NAT16: variants seen among roughly 807,000 people sequenced by gnomAD.
The protein encoded by NAT16 is probable N-acetyltransferase 16.
Under a neutral mutation model 15.9 loss-of-function variants are expected in NAT16, and 16 were observed. The observed-to-expected ratio is 1.01, with a 90% confidence interval of 0.68 to 1.53. The LOEUF (loss-of-function observed/expected upper bound fraction) is 1.53, where lower values mean the gene tolerates loss of function less well. Ranked by LOEUF, NAT16 falls within the 40% of genes most tolerant of loss-of-function variation. The pLI is 0.00. For synonymous variants in NAT16, 260 were observed against 241.9 expected (o/e 1.07, Z -0.69); for missense variants, 572 against 508.4 (o/e 1.13, Z -1.20).
At chr7:101,178,890 A>C (rs1797528133) in intron 1 of NAT16, among the ~76,000 whole-genome samples, 1 of 26,578 alleles carries the variant, frequency 3.8e-5, no homozygotes, top group African/African-American at 2.1e-4. Flanking sequence ...AAACGCTGTC[A>C]AAAAAAAAAA....
chr7:101,177,368 G>C (rs116120170), intron 1 of NAT16, among the ~76,000 whole-genome samples: 1 of 151,698 alleles, frequency 6.6e-6, no homozygotes, highest in African/African-American at 2.4e-5. Flanking sequence ...TTTGAGTCGG[G>C]GTCTCGCTCT....
At chr7:101,174,286 T>G (rs542715429) in intron 2 of NAT16, 34 of 598,032 alleles carry the variant, frequency 5.7e-5, no homozygotes, top group Non-Finnish European at 9.2e-5. Flanking sequence ...GTCCCTCTGG[T>G]TCCTCTGCTT....
chr7:101,172,565 G>A lies in NAT16; in HGVS notation c.624C>T (p.Phe208=), dbSNP rs1012039472. The change falls in exon 4 of 4, where the codon TTC becomes TTT. Residue 208 remains phenylalanine (F), a synonymous_variant. Coordinates refer to ENST00000300303, the MANE Select transcript of NAT16 (RefSeq NM_198571.3). The surrounding 1 kb of genome is among the most constrained non-coding windows in gnomAD (Gnocchi z 4.2). ...ACACGGCCTCGGTGGGCAGCGGCGA[G>A]AAGGTGCCAGAGGTCCGCAGCGCCG... ...RLAALRTSGT[F]SPLPTEAVSE... The A allele has an allele frequency of 9.7e-6, 15 of 1,546,000 alleles. No homozygotes were observed. Among genetic ancestry groups the A allele is most frequent in the African/African-American group, 1.4e-5 (1 of 71,848 alleles).
At position 101,174,781 on chromosome 7, in the gene NAT16, T is replaced by A. The variant is rs774421008; in HGVS notation, c.27A>T (p.Thr9=). 6.3e-7 allele frequency: 1 copy of A among 1,582,478 alleles called. No homozygotes were observed. Among genetic ancestry groups the A allele is most frequent in the Non-Finnish European group, 8.6e-7 (1 of 1,165,796 alleles). MKLEASCG[T]ATSEVPKPEK... is the part of the protein sequence containing the mutation. The stretch of plus-strand genomic sequence containing the variant: ...CCGGCTTAGGGACCTCTGAGGTGGC[T>A]GTGCCACAGCTGGCTTCCAGCTTCA... The change falls in exon 2 of 4, where the codon ACA becomes ACT. Residue 9 remains threonine (T), a synonymous_variant. Coordinates refer to ENST00000300303, the MANE Select transcript of NAT16 (RefSeq NM_198571.3).
Position 101,172,591 on chromosome 7 carries a change from C to T in NAT16, c.598G>A (p.Ala200Thr). The T allele has an allele frequency of 1.3e-6, 2 of 1,528,958 alleles. No homozygotes were observed. Among genetic ancestry groups the T allele is most frequent in the Non-Finnish European group, 1.7e-6 (2 of 1,146,624 alleles). 94.7% of individuals were successfully genotyped at this position (1,528,958 alleles called of 1,614,324 possible). A position where few individuals can be genotyped will look rare whatever the true frequency, so the allele number is the denominator to read the frequency against. The change falls in exon 4 of 4, where the codon GCG (alanine) becomes ACG (threonine). Residue 200 changes from alanine to threonine, a missense_variant. Ala to Thr is a moderately conservative substitution (Grantham distance 58). Transcript: ENST00000300303. The surrounding 1 kb of genome is among the most constrained non-coding windows in gnomAD (Gnocchi z 4.2). ...AAGGTGCCAGAGGTCCGCAGCGCCG[C>T]CAGCCGCGCGCCCAGCCCGGCCAGC... The part of the protein sequence containing the change: ...ALLAGLGARL[A>T]ALRTSGTFSP...
chr7:101,170,833 G>T lies in NAT16; in HGVS notation c.*1246C>A, dbSNP rs1422119654. ...GTCATGCTCTAGGCTTGGGACACCC[G>T]GGTTCTATTCGCTGGGAGGCTCCTA... On this transcript the variant is annotated 3_prime_UTR_variant, in exon 4 of 4. Transcript: ENST00000300303. 1 of 152,212 alleles carries T rather than the reference G, an allele frequency of 6.6e-6. No homozygotes were observed. Among genetic ancestry groups the T allele is most frequent in the African/African-American group, 2.4e-5 (1 of 41,440 alleles). 9.4% of individuals were successfully genotyped at this position (152,212 alleles called of 1,614,324 possible).
intron 2 of NAT16, 118 bp from the exon 3 acceptor site, chr7:101,173,638 CA>C: frequency 1.1e-6 from 1 of 927,070 alleles, no homozygotes; most frequent in Non-Finnish European, 1.6e-6. Flanking sequence ...ACCCGGGCAC[CA>C]GGCCAGGCCT....
Position 101,173,451 on chromosome 7 carries a change from G to A in NAT16, c.382C>T (p.Pro128Ser), listed in dbSNP as rs979673761. The change falls in exon 3 of 4, where the codon CCC (proline) becomes TCC (serine). Residue 128 changes from proline to serine, a missense_variant. Physicochemically the swap from Pro to Ser is moderately conservative, Grantham distance 74. Transcript: ENST00000300303. ...GCCACGCCCTTCCCGCGCTCCCAGG[G>A]CGCCACGCGCAGCCCCTCCACCAGC... ...TVLVEGLRVA[P>S]WERGKGVAGL... The A allele has an allele frequency of 6.2e-7, 1 of 1,612,096 alleles. No individual in the cohort carries two copies. Among genetic ancestry groups the A allele is most frequent in the Non-Finnish European group, 8.5e-7 (1 of 1,179,036 alleles).
At position 101,171,730 on chromosome 7, in the gene NAT16, G is replaced by A. The variant is rs879294719; in HGVS notation, c.*349C>T. 15 of 220,188 alleles carry A rather than the reference G, an allele frequency of 6.8e-5. No homozygotes were observed. Among genetic ancestry groups the A allele is most frequent in the Admixed American group, 5.0e-4 (9 of 17,958 alleles). The allele number at this position is 220,188 out of a possible 1,614,324, so 13.6% of individuals were successfully genotyped here. On this transcript the variant is annotated 3_prime_UTR_variant, in exon 4 of 4. Coordinates refer to ENST00000300303, the MANE Select transcript of NAT16 (RefSeq NM_198571.3). The stretch of plus-strand genomic sequence containing the variant: ...CCAGGAAAGGGGGAGTTCACGCCCC[G>A]GGTGAGGTGATGGAGAGGGAAGGAA...
At position 101,172,023 on chromosome 7, in the gene NAT16, G is replaced by T; in HGVS notation, c.*56C>A. 7.8e-7 allele frequency: 1 copy of T among 1,283,084 alleles called. No individual in the cohort carries two copies. The highest frequency in any genetic ancestry group is 1.1e-6 in the Non-Finnish European group (1 of 904,624). The allele number at this position is 1,283,084 out of a possible 1,614,324, so 79.5% of individuals were successfully genotyped here. The stretch of plus-strand genomic sequence containing the variant: ...GGAAATGGCAGGAAAGAGGCTGGCT[G>T]GGGAAACTGCGGAAGGGGGCGGGTC... On this transcript the variant is annotated 3_prime_UTR_variant, in exon 4 of 4. Coordinates refer to ENST00000300303, the MANE Select transcript of NAT16 (RefSeq NM_198571.3). The surrounding 1 kb of genome is among the most constrained non-coding windows in gnomAD (Gnocchi z 4.2).
intron 1 of NAT16, among the ~76,000 whole-genome samples, chr7:101,177,576 T>C (rs1021179966): frequency 6.6e-6 from 1 of 152,172 alleles, no homozygotes; most frequent in African/African-American, 2.4e-5. Context: ...GGTCTTGAAC[T>C]CCTGGGCTCA....
Position 101,172,287 on chromosome 7 carries a change from G to T in NAT16, c.902C>A (p.Ala301Asp). The T allele has an allele frequency of 6.2e-7, 1 of 1,612,402 alleles. No homozygotes were observed. The highest frequency in any genetic ancestry group is 8.5e-7 in the Non-Finnish European group (1 of 1,179,638). The change falls in exon 4 of 4, where the codon GCC becomes GAC. Residue 301 changes from alanine (A) to aspartate (D), a missense_variant. By Grantham distance (126) the Ala-to-Asp change is moderately radical (BLOSUM62 -2). Coordinates refer to ENST00000300303, the MANE Select transcript of NAT16 (RefSeq NM_198571.3). The surrounding 1 kb of genome is among the most constrained non-coding windows in gnomAD (Gnocchi z 4.2). ...DGTWRYLNID[A>D]FGSDGAQVQS... The stretch of plus-strand genomic sequence containing the variant: ...CACCTGCGCGCCGTCGCTACCGAAG[G>T]CGTCGATGTTGAGATAGCGCCAAGT...
In NAT16 at chr7:101,173,839, C is replaced by T. The variant is rs567653267; in HGVS notation, c.313-319G>A. On this transcript the variant is annotated intron_variant, in intron 2 of 3. Transcript: ENST00000300303. Reference sequence around the variant, plus strand: ...CCTGGGCTCAAGCGATCCCCTACACCCCCAAGACTTCCTAGTAGCTGGGAC... The same window carrying T: ...CCTGGGCTCAAGCGATCCCCTACACTCCCAAGACTTCCTAGTAGCTGGGAC... 2.6e-5 allele frequency: 10 copies of T among 379,968 alleles called. No homozygotes were observed. The South Asian group carries it at 3.4e-4, about 13-fold the overall frequency. 23.5% of individuals were successfully genotyped at this position (379,968 alleles called of 1,614,324 possible). A position where few individuals can be genotyped will look rare whatever the true frequency, so the allele number is the denominator to read the frequency against.
At position 101,174,655 on chromosome 7, in the gene NAT16, C is replaced by G; in HGVS notation, c.153G>C (p.Glu51Asp). 6.2e-7 allele frequency: 1 copy of G among 1,614,020 alleles called. No individual in the cohort carries two copies. Among genetic ancestry groups the G allele is most frequent in the Non-Finnish European group, 8.5e-7 (1 of 1,179,938 alleles). ...CCGTGGCCACCACGAAGTCCAATGG[C>G]TCGGCCTCAGCCTCAGGCCCCGATC... is the stretch of plus-strand genomic sequence containing the variant. ...RSGSGPEAEAEPLDFVVATER... is the reference protein window; with the variant it reads ...RSGSGPEAEADPLDFVVATER... Residue 51 changes from glutamate (E) to aspartate (D), a missense_variant, in exon 2 of 4, where the codon GAG becomes GAC. Transcript: ENST00000300303.
In NAT16 at chr7:101,172,270, C is replaced by G. The variant is rs1422899810; in HGVS notation, c.919G>C (p.Ala307Pro). 1 of 1,612,630 alleles carries G rather than the reference C, an allele frequency of 6.2e-7. No individual in the cohort carries two copies. Among genetic ancestry groups the G allele is most frequent in the Non-Finnish European group, 8.5e-7 (1 of 1,179,668 alleles). Residue 307 changes from alanine to proline, a missense_variant, in exon 4 of 4, where the codon GCG becomes CCG. By Grantham distance (27) the Ala-to-Pro change is conservative. Transcript: ENST00000300303. This position sits in a 1 kb window ranked among gnomAD's most constrained non-coding sequence, Gnocchi z 4.2. ...LNIDAFGSDG[A>P]QVQSQLLWHL... ...CACAGCAGCTGGCTCTGCACCTGCG[C>G]GCCGTCGCTACCGAAGGCGTCGATG...
rs781681405 is a variant in NAT16 at position 101,173,543 on chromosome 7, C to A, written c.313-23G>T. On this transcript the variant is annotated intron_variant, in intron 2 of 3. Transcript: ENST00000300303. ...GATCTGCGGACCGAGGCCGTTAGCGCGGGGCCCTCCCCGCCTGCGCCCCTG... is the reference window on the plus strand; with the variant it reads ...GATCTGCGGACCGAGGCCGTTAGCGAGGGGCCCTCCCCGCCTGCGCCCCTG... The A allele has an allele frequency of 2.5e-5, 39 of 1,535,660 alleles. 1 individual carries two copies. The South Asian group carries it at 4.4e-4, about 17-fold the overall frequency.
In NAT16 at chr7:101,171,900, G is replaced by A. The variant is rs1435962599; in HGVS notation, c.*179C>T. ...GCAATGGTGTTTGGGGGAGCTAGAG[G>A]CAAGATAGTAAGGGCAAAAGGGACA... is the stretch of plus-strand genomic sequence containing the variant. On this transcript the variant is annotated 3_prime_UTR_variant, in exon 4 of 4. Transcript: ENST00000300303. 3.4e-6 allele frequency: 2 copies of A among 588,102 alleles called. No individual in the cohort carries two copies. The highest frequency in any genetic ancestry group is 2.0e-5 in the South Asian group (1 of 48,954). The allele number at this position is 588,102 out of a possible 1,614,324, so 36.4% of individuals were successfully genotyped here. A position where few individuals can be genotyped will look rare whatever the true frequency, so the allele number is the denominator to read the frequency against.
Position 101,174,633 on chromosome 7 carries a change from T to C in NAT16, c.175A>G (p.Thr59Ala). The change falls in exon 2 of 4, where the codon ACG becomes GCG. Residue 59 changes from threonine (T) to alanine (A), a missense_variant. Coordinates refer to ENST00000300303, the MANE Select transcript of NAT16 (RefSeq NM_198571.3). ...AGCACTTCCTCAAACTCCCGTTCCG[T>C]GGCCACCACGAAGTCCAATGGCTCG... is the stretch of plus-strand genomic sequence containing the variant. ...EAEPLDFVVA[T>A]EREFEEVLAI... 6.2e-7 allele frequency: 1 copy of C among 1,614,034 alleles called. No individual in the cohort carries two copies. Among genetic ancestry groups the C allele is most frequent in the Non-Finnish European group, 8.5e-7 (1 of 1,180,006 alleles).
In NAT16 at chr7:101,170,834, G is replaced by T. The variant is rs1797303653; in HGVS notation, c.*1245C>A. ...TCATGCTCTAGGCTTGGGACACCCGGGTTCTATTCGCTGGGAGGCTCCTAG... is the reference window on the plus strand; with the variant it reads ...TCATGCTCTAGGCTTGGGACACCCGTGTTCTATTCGCTGGGAGGCTCCTAG... On this transcript the variant is annotated 3_prime_UTR_variant, in exon 4 of 4. Transcript: ENST00000300303. 6.6e-6 allele frequency: 1 copy of T among 152,206 alleles called. No individual in the cohort carries two copies. The highest frequency in any genetic ancestry group is 1.5e-5 in the Non-Finnish European group (1 of 68,052). The allele number at this position is 152,206 out of a possible 1,614,324, so 9.4% of individuals were successfully genotyped here.
Sources: allele counts gnomAD v4.1 joint callset (sites outside exome capture counted in the v4.1 genomes callset), GRCh38; gene constraint gnomAD v4.1.1; non-coding constraint Gnocchi (gnomAD v3.1); transcripts MANE v1.5; gene names NCBI Gene and HGNC (gene_info 2026-07-23, HGNC 2026-07-21).